The following NRAP variants were observed in gnomAD, a reference collection of about 807,000 sequenced individuals.
NRAP encodes the protein nebulin related anchoring protein.
In NRAP, 189 loss-of-function variants were observed where a neutral mutation model predicts 225.9. The observed-to-expected ratio is 0.84, with a 90% CI of 0.74 to 0.94. NRAP has a LOEUF of 0.94. Among genes scored for constraint, NRAP ranks in the 40% least tolerant of loss-of-function variants. The pLI is 0.00. For missense variants in NRAP, 2,176 were observed against 2,168.7 expected (o/e 1.00, Z -0.07); for synonymous variants, 769 against 790.7 (o/e 0.97, Z 0.46).
Position 113,590,722 on chromosome 10 carries a change from T to C in NRAP, c.4812A>G (p.Thr1604=), listed in dbSNP as rs369144457. The C allele has an allele frequency of 6.8e-6, 11 of 1,614,214 alleles. No individual in the cohort carries two copies. The highest frequency in any genetic ancestry group is 9.3e-6 in the Non-Finnish European group (11 of 1,180,036). ...TGGCCTGAAGGAGGCCGGGCTGGTCTGTGCTGCTGTGAAACTGGGACCGAC... is the reference window on the plus strand; with the variant it reads ...TGGCCTGAAGGAGGCCGGGCTGGTCCGTGCTGCTGTGAAACTGGGACCGAC... ...AKSRSQFHSS[T]DQPGLLQAKR... The change falls in exon 40 of 42, where the codon ACA becomes ACG. Residue 1604 remains threonine (T), a synonymous_variant. Coordinates refer to ENST00000359988, the MANE Select transcript of NRAP (RefSeq NM_198060.4).
chr10:113,601,398 G>C (rs1332716880), intron 35 of NRAP, among the ~76,000 whole-genome samples: 1 of 152,224 alleles, frequency 6.6e-6, no homozygotes, highest in Non-Finnish European at 1.5e-5. Flanking sequence ...CGTGAAATGG[G>C]AGTTTTGATA....
intron 3 of NRAP, among the ~76,000 whole-genome samples, chr10:113,658,662 C>T (rs988073609): frequency 3.3e-5 from 5 of 152,066 alleles, no homozygotes; most frequent in Non-Finnish European, 7.4e-5. Flanking sequence ...AGGTGGATCA[C>T]TTGAGGTCAG....
At chr10:113,610,935 AAAAC>A (rs1338708725) in intron 30 of NRAP, among the ~76,000 whole-genome samples, 1 of 152,244 alleles carries the variant, frequency 6.6e-6, no homozygotes, top group Non-Finnish European at 1.5e-5. Flanking sequence ...CAGGTCTTCT[AAAAC>A]AAAACTCAGC....
chr10:113,656,600 C>T (rs981712889), intron 4 of NRAP, among the ~76,000 whole-genome samples: 2 of 152,132 alleles, frequency 1.3e-5, no homozygotes, highest in East Asian at 3.9e-4. Context: ...ATTTATTGTG[C>T]CTACCACTGT....
At chr10:113,616,107 A>T (rs1408091475) in intron 26 of NRAP, among the ~76,000 whole-genome samples, 1 of 152,224 alleles carries the variant, frequency 6.6e-6, no homozygotes, top group East Asian at 1.9e-4. Flanking sequence ...AGGTTTACTT[A>T]ACACCTAGTA....
intron 8 of NRAP, 72 bp from the exon 9 acceptor site, chr10:113,650,213 T>C: frequency 4.1e-6 from 4 of 974,908 alleles, no homozygotes; most frequent in Non-Finnish European, 6.6e-6. Context: ...TAAAAGTGAA[T>C]GTCTTAATGG....
intron 10 of NRAP, among the ~76,000 whole-genome samples, chr10:113,646,569 T>G (rs1849523334): frequency 6.6e-6 from 1 of 152,210 alleles, no homozygotes; most frequent in Non-Finnish European, 1.5e-5. Context: ...CATCACCGGG[T>G]TACACCCAAT....
At chr10:113,656,404 T>C (rs1324153086) in intron 4 of NRAP, among the ~76,000 whole-genome samples, 1 of 152,152 alleles carries the variant, frequency 6.6e-6, no homozygotes, top group Non-Finnish European at 1.5e-5. Flanking sequence ...CTAAAATGTA[T>C]AAAAGCAAGC....
chr10:113,620,724 GAAAA>G lies in NRAP; in HGVS notation c.2770-20_2770-17del. The stretch of plus-strand genomic sequence containing the variant: ...TGTATTGGTTCTGACAAAGGAGAAA[GAAAA>G]AAAAAAAAAGCAGGCCATTGTTGGT... On this transcript the variant is annotated splice_polypyrimidine_tract_variant and intron_variant, in intron 24 of 41. Coordinates refer to ENST00000359988, the MANE Select transcript of NRAP (RefSeq NM_198060.4). The G allele has an allele frequency of 3.3e-6, 4 of 1,214,832 alleles. No homozygotes were observed. The highest frequency in any genetic ancestry group is 1.4e-5 in the South Asian group (1 of 73,768). The allele number at this position is 1,214,832 out of a possible 1,614,324, so 75.3% of individuals were successfully genotyped here.
intron 11 of NRAP, among the ~76,000 whole-genome samples, chr10:113,644,063 G>A (rs578252761): frequency 5.4e-5 from 8 of 147,990 alleles, no homozygotes; most frequent in East Asian, 2.0e-4. Context: ...AAGGGGAATC[G>A]CTTGACGTGG....
intron 16 of NRAP, among the ~76,000 whole-genome samples, chr10:113,632,518 G>T (rs1359340132): frequency 1.3e-5 from 2 of 152,188 alleles, no homozygotes; most frequent in Admixed American, 1.3e-4. Context: ...AAATGGCAAT[G>T]CCAGCTTCTG....
At position 113,605,803 on chromosome 10, in the gene NRAP, G is replaced by C; in HGVS notation, c.3874C>G (p.Pro1292Ala). 6.2e-7 allele frequency: 1 copy of C among 1,614,080 alleles called. No homozygotes were observed. Among genetic ancestry groups the C allele is most frequent in the Non-Finnish European group, 8.5e-7 (1 of 1,179,940 alleles). ...CCAGAGGCCCGGGCAGCCTGGAAGG[G>C]GAGCGCTTCTATTGTCAGCTTGTAG... ...QGYKLTIEAL[P>A]FQAARASGDI... The change falls in exon 34 of 42, where the codon CCC (proline) becomes GCC (alanine). Residue 1292 changes from proline to alanine, a missense_variant. Around this residue, in one of 3 missense-constraint regions of NRAP, gnomAD observed 1,708 missense variants for 1,695.5 expected, o/e 1.01. Transcript: ENST00000359988.
chr10:113,597,005 A>C, intron 37 of NRAP, 81 bp downstream of exon 37: 1 of 918,356 alleles, frequency 1.1e-6, no homozygotes, highest in Non-Finnish European at 1.8e-6. Flanking sequence ...CCATCTGTCC[A>C]GAGCCTGTGT....
chr10:113,598,191 C>T, intron 35 of NRAP, 118 bp from the exon 36 acceptor site: 1 of 725,418 alleles, frequency 1.4e-6, no homozygotes, highest in Non-Finnish European at 2.6e-6. Context: ...AACATTTCAA[C>T]ATCTTCACTG....
chr10:113,619,154 G>A (rs184615271), intron 25 of NRAP, among the ~76,000 whole-genome samples: 1 of 152,190 alleles, frequency 6.6e-6, no homozygotes, highest in Non-Finnish European at 1.5e-5. Context: ...ACTAACAACT[G>A]TGGGATACAT....
At position 113,640,267 on chromosome 10, in the gene NRAP, G is replaced by A; in HGVS notation, c.1388C>T (p.Pro463Leu). ...VDYNYPATLT[P>L]SYQTAMKLVP... ...CAGTTTCATAGCTGTTTGATAGGAA[G>A]GCGTGAGAGTGGCTGGGTAGTTGTA... Residue 463 changes from proline (P) to leucine (L), a missense_variant, in exon 14 of 42, where the codon CCT becomes CTT. Coordinates refer to ENST00000359988, the MANE Select transcript of NRAP (RefSeq NM_198060.4). 6.2e-7 allele frequency: 1 copy of A among 1,606,366 alleles called. No homozygotes were observed. Among genetic ancestry groups the A allele is most frequent in the East Asian group, 2.3e-5 (1 of 43,952 alleles).
intron 25 of NRAP, among the ~76,000 whole-genome samples, chr10:113,619,942 T>C (rs1847893229): frequency 6.6e-6 from 1 of 152,158 alleles, no homozygotes; most frequent in African/African-American, 2.4e-5. Context: ...ACTGACATCC[T>C]TGTAGGACGT....
chr10:113,592,487 G>A (rs1340612404), intron 38 of NRAP, among the ~76,000 whole-genome samples, 186 bp from the exon 39 acceptor site: 2 of 152,178 alleles, frequency 1.3e-5, no homozygotes, highest in African/African-American at 2.4e-5. Context: ...AAAGGCTTCA[G>A]CTCTAAGCCC....
chr10:113,592,903 G>A (rs1262683101), intron 38 of NRAP, among the ~76,000 whole-genome samples: 2 of 152,188 alleles, frequency 1.3e-5, no homozygotes, highest in Admixed American at 1.3e-4. Context: ...CCTGACCCAT[G>A]TGTTTCATAT....
Sources: gnomAD v4.1 joint callset for allele counts (sites outside exome capture counted in the v4.1 genomes callset) on GRCh38, gnomAD v4.1.1 for gene constraint, gnomAD v4.1.1 regional missense constraint, MANE v1.5 for transcripts, NCBI Gene and HGNC (gene_info 2026-07-23, HGNC 2026-07-21) for gene names.